Variants in ERO1B observed in about 807,000 individuals in gnomAD.
ERO1B encodes the protein ERO1-like protein beta.
ERO1B carries 49 observed loss-of-function variants against 75.3 expected under a neutral mutation model. The observed-to-expected ratio is 0.65, with a 90% CI of 0.52 to 0.83. ERO1B has a LOEUF of 0.83. Among genes scored for constraint, ERO1B ranks in the 40% least tolerant of loss-of-function variants. The pLI, the probability that ERO1B is intolerant of heterozygous loss-of-function variation, is 0.00. For missense variants in ERO1B, 512 were observed against 560.1 expected (o/e 0.91, Z 0.87); for synonymous variants, 191 against 192.9 (o/e 0.99, Z 0.08).
chr1:236,242,995 T>TA (rs1233363105), intron 6 of ERO1B, among the ~76,000 whole-genome samples: 1 of 152,220 alleles, frequency 6.6e-6, no homozygotes, highest in African/African-American at 2.4e-5. Context: ...AATTCCAGTG[T>TA]AAATATTTTT....
intron 9 of ERO1B, 126 bp downstream of exon 9, chr1:236,232,702 A>C: frequency 1.5e-6 from 1 of 648,170 alleles, no homozygotes. Flanking sequence ...GTCACCATTC[A>C]TTAGTAGCTA....
chr1:236,219,546 A>G (rs941172290), intron 15 of ERO1B, among the ~76,000 whole-genome samples: 2 of 152,152 alleles, frequency 1.3e-5, no homozygotes, highest in Non-Finnish European at 2.9e-5. Flanking sequence ...TTTCATTTCA[A>G]TTTATTTAAA....
chr1:236,259,900 G>T (rs777316942), intron 2 of ERO1B, among the ~76,000 whole-genome samples: 21 of 151,918 alleles, frequency 1.4e-4, no homozygotes, highest in Non-Finnish European at 2.8e-4. Flanking sequence ...GATATTTATA[G>T]AATATTCCAT....
At chr1:236,224,463 A>T (rs1382229931) in intron 13 of ERO1B, among the ~76,000 whole-genome samples, 3 of 98,110 alleles carry the variant, frequency 3.1e-5, no homozygotes, top group Non-Finnish European at 6.4e-5. Context: ...AAATAAATTT[A>T]AAAGTAAAAA....
In ERO1B at chr1:236,243,435, A is replaced by G. The variant is rs747989868; in HGVS notation, c.492T>C (p.Phe164=). 5 of 1,602,138 alleles carry G rather than the reference A, an allele frequency of 3.1e-6. No individual in the cohort carries two copies. The highest frequency in any genetic ancestry group is 1.8e-4 in the Middle Eastern group (1 of 5,432). ...WARYDDSRDH[F]CELDDERSPA... is the part of the protein sequence containing the mutation. ...TTATTGTATTACCATCAAGTTCACAAAAGTGATCCCGTGAATCATCATATC... is the reference window on the plus strand; with the variant it reads ...TTATTGTATTACCATCAAGTTCACAGAAGTGATCCCGTGAATCATCATATC... The change falls in exon 6 of 16, where the codon TTT becomes TTC. Residue 164 remains phenylalanine (F), a synonymous_variant. Transcript: ENST00000354619.
At chr1:236,251,832 C>T (rs142200704) in intron 4 of ERO1B, among the ~76,000 whole-genome samples, 11 of 152,056 alleles carry the variant, frequency 7.2e-5, no homozygotes, top group African/African-American at 2.7e-4. Flanking sequence ...AATAGTTGTT[C>T]CAGAGATTCC....
At position 236,217,623 on chromosome 1, in the gene ERO1B, TA is replaced by T. The variant is rs1229302415; in HGVS notation, c.*892del. On this transcript the variant is annotated 3_prime_UTR_variant, in exon 16 of 16. Transcript: ENST00000354619. ...TTTCAATTGGCATTATAAATTCATATAATCCCATTTAAATTTTATCAAGAAG... is the reference window on the plus strand; with the variant it reads ...TTTCAATTGGCATTATAAATTCATATATCCCATTTAAATTTTATCAAGAAG... The T allele has an allele frequency of 5.2e-5, 8 of 152,630 alleles. No individual in the cohort carries two copies. The highest frequency in any genetic ancestry group is 1.9e-4 in the African/African-American group (8 of 41,464). The allele number at this position is 152,630 out of a possible 1,614,324, so 9.5% of individuals were successfully genotyped here.
Position 236,281,828 on chromosome 1 carries a change from G to A in ERO1B, c.-45C>T, listed in dbSNP as rs981422787. The A allele has an allele frequency of 1.3e-5, 17 of 1,321,876 alleles. No individual in the cohort carries two copies. Among genetic ancestry groups the A allele is most frequent in the Admixed American group, 3.1e-5 (1 of 32,156 alleles). The allele number at this position is 1,321,876 out of a possible 1,614,324, so 81.9% of individuals were successfully genotyped here. A position where few individuals can be genotyped will look rare whatever the true frequency, so the allele number is the denominator to read the frequency against. On this transcript the variant is annotated 5_prime_UTR_variant, in exon 1 of 16. Transcript: ENST00000354619. The stretch of plus-strand genomic sequence containing the variant: ...GCGGCCAGCCGGACCCCTCGGGGCC[G>A]GGGAACGACGGGCGGCCCAGGCGAC...
chr1:236,262,233 C>T (rs1665308821), intron 2 of ERO1B, among the ~76,000 whole-genome samples: 1 of 152,182 alleles, frequency 6.6e-6, no homozygotes, highest in African/African-American at 2.4e-5. Context: ...CAAGAACACA[C>T]AACAGGGAAA....
Position 236,216,886 on chromosome 1 carries a change from C to T in ERO1B, c.*1630G>A, listed in dbSNP as rs1663999644. 1 of 151,634 alleles carries T rather than the reference C, an allele frequency of 6.6e-6. No homozygotes were observed. The highest frequency in any genetic ancestry group is 2.4e-5 in the African/African-American group (1 of 41,284). 9.4% of individuals were successfully genotyped at this position (151,634 alleles called of 1,614,324 possible). A position where few individuals can be genotyped will look rare whatever the true frequency, so the allele number is the denominator to read the frequency against. On this transcript the variant is annotated 3_prime_UTR_variant, in exon 16 of 16. Transcript: ENST00000354619. ...CTCCCCCACCATACAATACTTGCAA[C>T]CCTCAAGAAAAAGTAGAGGAGGCTC...
At chr1:236,255,517 G>T (rs1422588526) in intron 2 of ERO1B, among the ~76,000 whole-genome samples, 1 of 152,054 alleles carries the variant, frequency 6.6e-6, no homozygotes, top group Non-Finnish European at 1.5e-5. Flanking sequence ...TTAGTGCTTG[G>T]AACAGTGGTA....
chr1:236,217,894 T>C lies in ERO1B; in HGVS notation c.*622A>G, dbSNP rs1191403317. The stretch of plus-strand genomic sequence containing the variant: ...TGGAAACAGCAACAATTACAGCAAC[T>C]AAAAACTGCAAATAAAAACCAATGA... On this transcript the variant is annotated 3_prime_UTR_variant, in exon 16 of 16. Coordinates refer to ENST00000354619, the MANE Select transcript of ERO1B (RefSeq NM_019891.4). The C allele has an allele frequency of 6.6e-6, 1 of 152,096 alleles. No homozygotes were observed. Among genetic ancestry groups the C allele is most frequent in the East Asian group, 1.9e-4 (1 of 5,196 alleles). 9.4% of individuals were successfully genotyped at this position (152,096 alleles called of 1,614,324 possible).
intron 4 of ERO1B, 89 bp from the exon 5 acceptor site, chr1:236,250,056 G>T: frequency 1.3e-6 from 1 of 774,288 alleles, no homozygotes; most frequent in Non-Finnish European, 2.0e-6. Flanking sequence ...TGTCAACAAT[G>T]ATATACACTA....
chr1:236,275,483 C>T (rs975232776), intron 1 of ERO1B, among the ~76,000 whole-genome samples: 1 of 152,178 alleles, frequency 6.6e-6, no homozygotes, highest in East Asian at 1.9e-4. Flanking sequence ...GCAGAGCCTC[C>T]GTGCCTCTCT....
At chr1:236,263,706 C>A (rs1665344364) in intron 2 of ERO1B, among the ~76,000 whole-genome samples, 2 of 149,028 alleles carry the variant, frequency 1.3e-5, no homozygotes, top group African/African-American at 2.5e-5. Flanking sequence ...GTTTTGCATA[C>A]TTCTTGATGT....
At chr1:236,259,363 A>C (rs376019649) in intron 2 of ERO1B, among the ~76,000 whole-genome samples, 14 of 152,214 alleles carry the variant, frequency 9.2e-5, no homozygotes, top group South Asian at 8.3e-4. Context: ...CAATTAACAG[A>C]ATGGCAATAG....
intron 1 of ERO1B, among the ~76,000 whole-genome samples, chr1:236,270,750 C>T (rs1265813982): frequency 6.6e-6 from 1 of 152,052 alleles, no homozygotes; most frequent in African/African-American, 2.4e-5. Context: ...AAAAGCCAAG[C>T]CAAAAGGTTA....
At chr1:236,281,603 C>G in intron 1 of ERO1B, 79 bp downstream of exon 1, 29 of 1,094,084 alleles carry the variant, frequency 2.7e-5, no homozygotes, top group Non-Finnish European at 3.0e-5. Context: ...CGGCCCTCCC[C>G]GCGTCACAGC....
At chr1:236,243,311 T>C (rs1414666900) in intron 6 of ERO1B, 111 bp downstream of exon 6, 4 of 728,372 alleles carry the variant, frequency 5.5e-6, no homozygotes, top group South Asian at 4.7e-5. Flanking sequence ...AAGGTCTACA[T>C]AGCAAAATCC....
Sources: allele counts gnomAD v4.1 joint callset (sites outside exome capture counted in the v4.1 genomes callset), GRCh38; gene constraint gnomAD v4.1.1; transcripts MANE v1.5; gene names NCBI Gene and HGNC (gene_info 2026-07-23, HGNC 2026-07-21).